The following COL11A2 variants were observed in gnomAD, a reference collection of about 807,000 sequenced individuals.
The protein encoded by COL11A2 is collagen alpha-2(XI) chain.
COL11A2 carries 116 observed loss-of-function variants against 273.4 expected under a neutral mutation model. That is an observed-to-expected ratio of 0.42 (90% CI 0.36 to 0.49). COL11A2 has a LOEUF of 0.49. COL11A2 is among the 20% of genes least tolerant of loss of function. The probability of loss-of-function intolerance (pLI) is 0.00; values close to 1 mark genes in which losing one functional copy is unlikely to be tolerated. For synonymous variants in COL11A2, 782 were observed against 864.2 expected, an observed-to-expected ratio of 0.90 and a Z score of 1.67; for missense variants, 1,866 against 2,309.0, an observed-to-expected ratio of 0.81 and a Z score of 3.93.
Position 33,178,992 on chromosome 6 carries a change from T to C in COL11A2, c.1612-19A>G. 1 of 1,613,658 alleles carries C rather than the reference T, an allele frequency of 6.2e-7. No homozygotes were observed. The highest frequency in any genetic ancestry group is 8.5e-7 in the Non-Finnish European group (1 of 1,179,876). On this transcript the variant is annotated intron_variant, in intron 16 of 65. Coordinates refer to ENST00000341947, the MANE Select transcript of COL11A2 (RefSeq NM_080680.3). The surrounding 1 kb of genome is among the most constrained non-coding windows in gnomAD (Gnocchi z 4.6). ...CCCGGCCCTGGGAGAACAAGGGAAG[T>C]GTCAGAACAAGCAGGGCCGCAGTCC...
In COL11A2 at chr6:33,177,989, C is replaced by A; in HGVS notation, c.1872+143G>T. ...ACGGGGAGCGAATGCTGAGGCAGGG[C>A]AGTGTGGGGCCAGAGCAGGGGGAGC... On this transcript the variant is annotated intron_variant, in intron 21 of 65. Coordinates refer to ENST00000341947, the MANE Select transcript of COL11A2 (RefSeq NM_080680.3). The surrounding 1 kb of genome is among the most constrained non-coding windows in gnomAD (Gnocchi z 5.9). The A allele has an allele frequency of 1.1e-6, 1 of 936,868 alleles. No individual in the cohort carries two copies. The highest frequency in any genetic ancestry group is 2.5e-5 in the East Asian group (1 of 40,196). 58.0% of individuals were successfully genotyped at this position (936,868 alleles called of 1,614,324 possible). A position where few individuals can be genotyped will look rare whatever the true frequency, so the allele number is the denominator to read the frequency against.
chr6:33,186,318 GCT>G (rs928220292), intron 5 of COL11A2: 3 of 1,187,294 alleles, frequency 2.5e-6, no homozygotes, highest in African/African-American at 3.1e-5. Flanking sequence ...TGCCTCCCCA[GCT>G]CTCACCCCTC....
At chr6:33,175,515 T>A (rs1432874599) in intron 30 of COL11A2, 59 bp downstream of exon 30, 1 of 1,468,746 alleles carries the variant, frequency 6.8e-7, no homozygotes, top group Admixed American at 1.7e-5. Flanking sequence ...CCCATGCCCA[T>A]CCTGACCCCA....
At position 33,192,325 on chromosome 6, in the gene COL11A2, C is replaced by G; in HGVS notation, c.-85G>C. ...CCTGAGGCTGACAGAAGACAGGGAG[C>G]AGACTATGAGCCTCAGACGCCGGGG... On this transcript the variant is annotated 5_prime_UTR_variant, in exon 1 of 66. Transcript: ENST00000341947. 7.5e-7 allele frequency: 1 copy of G among 1,327,682 alleles called. No individual in the cohort carries two copies. The highest frequency in any genetic ancestry group is 1.1e-6 in the Non-Finnish European group (1 of 950,610). 82.2% of individuals were successfully genotyped at this position (1,327,682 alleles called of 1,614,324 possible).
In COL11A2 at chr6:33,176,640, G is replaced by A; in HGVS notation, c.2115+81C>T. On this transcript the variant is annotated intron_variant, in intron 26 of 65. Coordinates refer to ENST00000341947, the MANE Select transcript of COL11A2 (RefSeq NM_080680.3). This position sits in a 1 kb window ranked among gnomAD's most constrained non-coding sequence, Gnocchi z 4.9. ...TGTGGCAGAGCCATATGAATAATGA[G>A]ACAAGGGAATCCCAAGGACTTTGAG... The A allele has an allele frequency of 6.9e-7, 1 of 1,458,758 alleles. No homozygotes were observed. Among genetic ancestry groups the A allele is most frequent in the South Asian group, 1.2e-5 (1 of 85,032 alleles). 90.4% of individuals were successfully genotyped at this position (1,458,758 alleles called of 1,614,324 possible). A position where few individuals can be genotyped will look rare whatever the true frequency, so the allele number is the denominator to read the frequency against.
chr6:33,189,024 G>A lies in COL11A2; in HGVS notation c.397C>T (p.Pro133Ser). The A allele has an allele frequency of 6.2e-7, 1 of 1,614,208 alleles. No individual in the cohort carries two copies. Among genetic ancestry groups the A allele is most frequent in the Non-Finnish European group, 8.5e-7 (1 of 1,180,026 alleles). The change falls in exon 3 of 66, where the codon CCT (proline) becomes TCT (serine). Residue 133 changes from proline to serine, a missense_variant. Transcript: ENST00000341947. The surrounding 1 kb of genome is among the most constrained non-coding windows in gnomAD (Gnocchi z 5.6). The part of the protein sequence containing the change: ...LYEDQTGRPQ[P>S]PSQPVFRGLS... ...CCTCGGAAGACTGGCTGAGAGGGAG[G>A]TTGAGGCCGCCCAGTCTGGTCTTCA...
At position 33,189,584 on chromosome 6, in the gene COL11A2, G is replaced by C; in HGVS notation, c.83-115C>G. ...GGGCTCAAACTCCCTGCAAGGGAAA[G>C]GTCACCTCACCCTCACTTGCTTCTG... On this transcript the variant is annotated intron_variant, in intron 1 of 65. Transcript: ENST00000341947. This position sits in a 1 kb window ranked among gnomAD's most constrained non-coding sequence, Gnocchi z 5.6. 7.4e-7 allele frequency: 1 copy of C among 1,352,216 alleles called. No homozygotes were observed. The highest frequency in any genetic ancestry group is 1.0e-6 in the Non-Finnish European group (1 of 973,166). 83.8% of individuals were successfully genotyped at this position (1,352,216 alleles called of 1,614,324 possible). A position where few individuals can be genotyped will look rare whatever the true frequency, so the allele number is the denominator to read the frequency against.
Position 33,166,523 on chromosome 6 carries a change from G to C in COL11A2, c.4382C>G (p.Pro1461Arg). 4 of 1,613,658 alleles carry C rather than the reference G, an allele frequency of 2.5e-6. No homozygotes were observed. The highest frequency in any genetic ancestry group is 3.4e-6 in the Non-Finnish European group (4 of 1,179,760). The change falls in exon 60 of 66, where the codon CCC (proline) becomes CGC (arginine). Residue 1461 changes from proline (P) to arginine (R), a missense_variant. Physicochemically the swap from Pro to Arg is moderately radical, Grantham distance 103 (BLOSUM62 -2). Transcript: ENST00000341947. This position sits in a 1 kb window ranked among gnomAD's most constrained non-coding sequence, Gnocchi z 4.8. The part of the protein sequence containing the change: ...ASGPIGPGGP[P>R]GLPGPAGPKG... ...AGAGGCAGTACTCACGGGGAGGCCG[G>C]GGGGACCTCCAGGACCAATGGGGCC...
intron 12 of COL11A2, 128 bp downstream of exon 12, chr6:33,180,130 T>G: frequency 1.9e-6 from 2 of 1,044,714 alleles, no homozygotes; most frequent in Non-Finnish European, 3.0e-6. Flanking sequence ...CGAATCCCTT[T>G]GGAGTGATGA....
rs1302115980 is a variant in COL11A2 at position 33,170,017 on chromosome 6, G to A, written c.3636+30C>T. On this transcript the variant is annotated intron_variant, in intron 49 of 65. Coordinates refer to ENST00000341947, the MANE Select transcript of COL11A2 (RefSeq NM_080680.3). This position sits in a 1 kb window ranked among gnomAD's most constrained non-coding sequence, Gnocchi z 4.3. ...TCCAACTCCCATCCCCCACTTCCAT[G>A]ACTGGTCCACTCACCCCCTTCCCAG... The A allele has an allele frequency of 1.2e-6, 2 of 1,613,030 alleles. No individual in the cohort carries two copies. Among genetic ancestry groups the A allele is most frequent in the Non-Finnish European group, 1.7e-6 (2 of 1,179,816 alleles).
chr6:33,177,680 C>G lies in COL11A2; in HGVS notation c.1899G>C (p.Gln633His), dbSNP rs1390348257. The change falls in exon 22 of 66, where the codon CAG (glutamine) becomes CAC (histidine). Residue 633 changes from glutamine to histidine, a missense_variant. Coordinates refer to ENST00000341947, the MANE Select transcript of COL11A2 (RefSeq NM_080680.3). This position sits in a 1 kb window ranked among gnomAD's most constrained non-coding sequence, Gnocchi z 5.9. ...PPGVRGMDGP[Q>H]GPKGSLGPQG... The stretch of plus-strand genomic sequence containing the variant: ...CACTCACCAAGCTCCCTTTGGGGCC[C>G]TGGGGACCATCCATGCCTCGGACGC... 1 of 1,612,736 alleles carries G rather than the reference C, an allele frequency of 6.2e-7. No individual in the cohort carries two copies. The highest frequency in any genetic ancestry group is 8.5e-7 in the Non-Finnish European group (1 of 1,179,972).
Position 33,189,287 on chromosome 6 carries a change from C to G in COL11A2, c.232+33G>C, listed in dbSNP as rs185117025. On this transcript the variant is annotated intron_variant, in intron 2 of 65. Coordinates refer to ENST00000341947, the MANE Select transcript of COL11A2 (RefSeq NM_080680.3). The surrounding 1 kb of genome is among the most constrained non-coding windows in gnomAD (Gnocchi z 5.6). ...GATCCTAGGCCCCATCCCATTACCT[C>G]CCCCCAGGCCTACCCCACCATGTCA... 256 of 1,613,868 alleles carry G rather than the reference C, an allele frequency of 1.6e-4. 3 individuals carry two copies. The African/African-American group carries it at 2.8e-3, about 18-fold the overall frequency.
At position 33,189,229 on chromosome 6, in the gene COL11A2, G is replaced by A. The variant is rs369239525; in HGVS notation, c.233-41C>T. ...GATACACACAGAGTGAGAGGCAAAG[G>A]GAGCCGCCACAACCCCTTTCCTCCT... On this transcript the variant is annotated intron_variant, in intron 2 of 65. Transcript: ENST00000341947. The surrounding 1 kb of genome is among the most constrained non-coding windows in gnomAD (Gnocchi z 5.6). 2.5e-6 allele frequency: 4 copies of A among 1,612,456 alleles called. No homozygotes were observed. The highest frequency in any genetic ancestry group is 2.5e-6 in the Non-Finnish European group (3 of 1,179,318).
rs1772089673 is a variant in COL11A2 at position 33,184,244 on chromosome 6, A to G, written c.1020T>C (p.Pro340=). The G allele has an allele frequency of 1.5e-6, 2 of 1,367,580 alleles. No homozygotes were observed. Among genetic ancestry groups the G allele is most frequent in the East Asian group, 4.6e-5 (1 of 21,972 alleles). 84.7% of individuals were successfully genotyped at this position (1,367,580 alleles called of 1,614,324 possible). Residue 340 remains proline, a synonymous_variant, in exon 8 of 66, where the codon CCT becomes CCC. Transcript: ENST00000341947. The part of the protein sequence containing the change: ...EEYGEGGTDP[P]EGPYDYTYGY... ...CATAGGTGTAATCGTAGGGCCCTTC[A>G]GGGGGGTCTGTGCCACCCTCCCCAT...
rs1771144735 is a variant in COL11A2 at position 33,177,883 on chromosome 6, G to C, written c.1873-177C>G. 4.9e-6 allele frequency: 4 copies of C among 809,922 alleles called. No individual in the cohort carries two copies. The highest frequency in any genetic ancestry group is 8.1e-6 in the Non-Finnish European group (4 of 493,972). 50.2% of individuals were successfully genotyped at this position (809,922 alleles called of 1,614,324 possible). ...GGACTGTGGATCTGTGGGCTTGTGG[G>C]CTTTGGTTTTGTTTTTCTTGAAGAT... On this transcript the variant is annotated intron_variant, in intron 21 of 65. Coordinates refer to ENST00000341947, the MANE Select transcript of COL11A2 (RefSeq NM_080680.3). This position sits in a 1 kb window ranked among gnomAD's most constrained non-coding sequence, Gnocchi z 5.9.
In COL11A2 at chr6:33,167,465, T is replaced by C. The variant is rs1030750495; in HGVS notation, c.4083A>G (p.Lys1361=). 2 of 1,612,108 alleles carry C rather than the reference T, an allele frequency of 1.2e-6. No homozygotes were observed. The highest frequency in any genetic ancestry group is 1.1e-5 in the South Asian group (1 of 91,050). Residue 1361 remains lysine (K), a synonymous_variant, in exon 56 of 66, where the codon AAA becomes AAG. Transcript: ENST00000341947. This position sits in a 1 kb window ranked among gnomAD's most constrained non-coding sequence, Gnocchi z 6.1. ...GPVGPAGPAG[K]PGPDGLRGLP... is the part of the protein sequence containing the mutation. ...GCCCCCTCAGACCATCAGGGCCAGG[T>C]TTCCCTGCTGGGCCTGCAGGACCCA...
chr6:33,178,294 C>A lies in COL11A2; in HGVS notation c.1818+14G>T. 2 of 1,612,940 alleles carry A rather than the reference C, an allele frequency of 1.2e-6. No homozygotes were observed. Among genetic ancestry groups the A allele is most frequent in the Non-Finnish European group, 1.7e-6 (2 of 1,179,948 alleles). Reference sequence around the variant, plus strand: ...CAGAGCCCCCTCCCCCAGCACCAGCCCTTGGACACTCACCGACTCTCCAGG... The same window carrying A: ...CAGAGCCCCCTCCCCCAGCACCAGCACTTGGACACTCACCGACTCTCCAGG... On this transcript the variant is annotated intron_variant, in intron 20 of 65. Transcript: ENST00000341947. The surrounding 1 kb of genome is among the most constrained non-coding windows in gnomAD (Gnocchi z 4.6).
rs1024797774 is a variant in COL11A2 at position 33,184,221 on chromosome 6, T to G, written c.1043A>C (p.Tyr348Ser). Residue 348 changes from tyrosine to serine, a missense_variant, in exon 8 of 66, where the codon TAT becomes TCT. Tyr to Ser is a moderately radical substitution (Grantham distance 144). Coordinates refer to ENST00000341947, the MANE Select transcript of COL11A2 (RefSeq NM_080680.3). ...DPPEGPYDYT[Y>S]GYGDDYREET... ...CTCACGATAATCATCCCCATAGCCA[T>G]AGGTGTAATCGTAGGGCCCTTCAGG... The G allele has an allele frequency of 7.3e-7, 1 of 1,367,500 alleles. No homozygotes were observed. The highest frequency in any genetic ancestry group is 4.5e-5 in the East Asian group (1 of 21,986). 84.7% of individuals were successfully genotyped at this position (1,367,500 alleles called of 1,614,324 possible).
At position 33,179,692 on chromosome 6, in the gene COL11A2, C is replaced by T. The variant is rs1303693613; in HGVS notation, c.1446+27G>A. ...CCTTCCAGTGCCCCCCAGAGCCTTC[C>T]CTTTCCAGGGAAGCAGCCCCACTCA... On this transcript the variant is annotated intron_variant, in intron 13 of 65. Transcript: ENST00000341947. This position sits in a 1 kb window ranked among gnomAD's most constrained non-coding sequence, Gnocchi z 6.4. 2 of 1,609,886 alleles carry T rather than the reference C, an allele frequency of 1.2e-6. No individual in the cohort carries two copies. Among genetic ancestry groups the T allele is most frequent in the East Asian group, 2.2e-5 (1 of 44,878 alleles).
Sources: gnomAD v4.1 joint callset for allele counts on GRCh38, gnomAD v4.1.1 for gene constraint, Gnocchi (gnomAD v3.1) non-coding constraint, MANE v1.5 for transcripts, NCBI Gene and HGNC (gene_info 2026-07-23, HGNC 2026-07-21) for gene names.